Variants in TENM2 observed in about 807,000 individuals in gnomAD.
TENM2 encodes teneurin-2.
Under a neutral mutation model 245.2 loss-of-function variants are expected in TENM2, and 52 were observed. That is an observed-to-expected ratio of 0.21 (90% CI 0.17 to 0.27). TENM2 has a LOEUF of 0.27. Among genes scored for constraint, TENM2 ranks in the 10% least tolerant of loss-of-function variants. The pLI is 1.00. For synonymous variants in TENM2, 1,363 were observed against 1,438.9 expected (o/e 0.95, Z 1.19); for missense variants, 3,046 against 3,666.8 (o/e 0.83, Z 4.37).
At chr5:167,015,315 G>A in the TENM2 span, among the ~76,000 whole-genome samples, 3 of 152,136 alleles carry the variant, frequency 2.0e-5, no homozygotes, top group African/African-American at 4.8e-5. Context: ...TCATATCATT[G>A]CAGAGGGGAA....
chr5:167,656,382 G>A (rs1447616366), intron 2 of TENM2, among the ~76,000 whole-genome samples: 1 of 152,132 alleles, frequency 6.6e-6, no homozygotes, highest in Non-Finnish European at 1.5e-5. Context: ...CCTGTTTGCA[G>A]GTCCCTGAGG....
At chr5:167,190,196 A>C in the TENM2 span, among the ~76,000 whole-genome samples, 1 of 152,146 alleles carries the variant, frequency 6.6e-6, no homozygotes, top group Non-Finnish European at 1.5e-5. Flanking sequence ...ATGGGTATAA[A>C]TAAACATAAT....
chr5:168,225,343 C>A (rs768677069), intron 23 of TENM2, among the ~76,000 whole-genome samples: 2 of 152,218 alleles, frequency 1.3e-5, no homozygotes, highest in East Asian at 1.9e-4. Flanking sequence ...GTCTCAAATG[C>A]GAGATTTTTA....
At chr5:167,039,267 A>C in the TENM2 span, among the ~76,000 whole-genome samples, 1 of 152,118 alleles carries the variant, frequency 6.6e-6, no homozygotes, top group Non-Finnish European at 1.5e-5. Context: ...TGACTGGCTC[A>C]ATGCAAGATA....
the TENM2 span, among the ~76,000 whole-genome samples, chr5:167,011,790 T>C: frequency 2.0e-5 from 3 of 152,372 alleles, no homozygotes; most frequent in South Asian, 6.2e-4. Context: ...TAATTTCATT[T>C]CCTATCTGAG....
the TENM2 span, among the ~76,000 whole-genome samples, chr5:167,194,049 G>A: frequency 2.9e-4 from 44 of 152,072 alleles, no homozygotes; most frequent in Middle Eastern, 0.01. Flanking sequence ...GGCATCTCTA[G>A]ATAAGACTAA....
chr5:167,213,764 A>G, the TENM2 span, among the ~76,000 whole-genome samples: 1 of 152,212 alleles, frequency 6.6e-6, no homozygotes, highest in East Asian at 1.9e-4. Flanking sequence ...TATAAAACAA[A>G]TATGTGCTAC....
intron 2 of TENM2, among the ~76,000 whole-genome samples, chr5:167,424,741 GA>G (rs1000507566): frequency 4.3e-4 from 64 of 149,460 alleles, no homozygotes; most frequent in African/African-American, 1.3e-3. Flanking sequence ...TATTTTACGT[GA>G]AAAAAAAAAT....
At chr5:167,664,813 A>G (rs1755464800) in intron 2 of TENM2, among the ~76,000 whole-genome samples, 3 of 152,144 alleles carry the variant, frequency 2.0e-5, no homozygotes, top group Non-Finnish European at 4.4e-5. Context: ...CCTTTGTGAT[A>G]TTGTCCTCAA....
chr5:167,426,374 T>G, intron 2 of TENM2, among the ~76,000 whole-genome samples: 1 of 152,156 alleles, frequency 6.6e-6, no homozygotes, highest in East Asian at 1.9e-4. Flanking sequence ...GTCCCAGCTG[T>G]TCAGGAGGCT....
chr5:167,883,123 A>T (rs1413815281), intron 3 of TENM2, among the ~76,000 whole-genome samples: 1 of 152,168 alleles, frequency 6.6e-6, no homozygotes, highest in East Asian at 1.9e-4. Flanking sequence ...TTGGTATGCT[A>T]TAACACTTGG....
chr5:168,042,316 C>T (rs1372368500), intron 5 of TENM2, among the ~76,000 whole-genome samples: 1 of 152,138 alleles, frequency 6.6e-6, no homozygotes, highest in African/African-American at 2.4e-5. Flanking sequence ...TAAAGACACC[C>T]CCTGCTCCTG....
chr5:167,782,227 C>T (rs1417303982), intron 2 of TENM2, among the ~76,000 whole-genome samples: 2 of 146,582 alleles, frequency 1.4e-5, no homozygotes, highest in African/African-American at 5.1e-5. Context: ...GCAGGAGAAT[C>T]CCTTGAACCC....
the TENM2 span, among the ~76,000 whole-genome samples, chr5:166,979,194 CCAGCAGCAGCAGCAGCAGCAGCAG>C: frequency 1.3e-4 from 18 of 142,044 alleles, no homozygotes; most frequent in African/African-American, 2.2e-4. Context: ...AGCACCACCA[CCAGCAGCAGCAGCAGCAGCAGCAG>C]CAGCAGCAGC....
At chr5:168,140,681 TA>T (rs1755465268) in intron 12 of TENM2, among the ~76,000 whole-genome samples, 1 of 152,242 alleles carries the variant, frequency 6.6e-6, no homozygotes, top group Non-Finnish European at 1.5e-5. Flanking sequence ...GTTTAAGACC[TA>T]AAAACTTCAA....
Position 167,930,453 on chromosome 5 carries a change from TTTTATTTATTTA to T in TENM2, c.713-22108_713-22097del, listed in dbSNP as rs142148292. 6.3e-4 allele frequency among the ~76,000 whole-genome samples: 93 copies of T among 148,202 alleles called. No homozygotes were observed. In the South Asian group the frequency reaches 9.7e-3, roughly 15 times the overall value. On this transcript the variant is annotated intron_variant, in intron 3 of 28. Coordinates refer to ENST00000518659, the Ensembl canonical transcript of TENM2. Reference sequence around the variant, plus strand: ...TAAATTAGCTGAGCTTTTCTTAGAATTTTATTTATTTATTTATTTATTTATTTATTTATTTAT... The same window carrying T: ...TAAATTAGCTGAGCTTTTCTTAGAATTTTATTTATTTATTTATTTATTTAT...
chr5:167,258,394 C>T, the TENM2 span, among the ~76,000 whole-genome samples: 1 of 151,970 alleles, frequency 6.6e-6, no homozygotes, highest in African/African-American at 2.4e-5. Flanking sequence ...TGATGTCAGT[C>T]AGCCACTCAG....
intron 4 of TENM2, among the ~76,000 whole-genome samples, chr5:167,964,774 C>G (rs920105691): frequency 1.3e-5 from 2 of 151,676 alleles, no homozygotes; most frequent in Non-Finnish European, 2.9e-5. Context: ...CACTAAGGTG[C>G]CAGAAAGAGA....
chr5:168,192,453 T>C (rs572901870), intron 14 of TENM2, among the ~76,000 whole-genome samples: 2 of 152,320 alleles, frequency 1.3e-5, no homozygotes, highest in African/African-American at 4.8e-5. Context: ...TTTCTCCTTA[T>C]AAAACCTCCA....
Sources: allele counts gnomAD v4.1 joint callset (sites outside exome capture counted in the v4.1 genomes callset), GRCh38; gene constraint gnomAD v4.1.1; transcripts MANE v1.5; gene names NCBI Gene and HGNC (gene_info 2026-07-23, HGNC 2026-07-21).